The following SLC35A5 variants were observed in gnomAD, a reference collection of about 807,000 sequenced individuals.
The protein encoded by SLC35A5 is UDP-sugar transporter protein SLC35A5.
SLC35A5 carries 28 observed loss-of-function variants against 36.3 expected under a neutral mutation model. The ratio of observed to expected loss-of-function variants is 0.77; its 90% CI spans 0.57 to 1.06. SLC35A5 has a LOEUF of 1.06. Among genes scored for constraint, SLC35A5 ranks in the 50% least tolerant of loss-of-function variants. The probability of loss-of-function intolerance (pLI) is 0.00; values close to 1 mark genes in which losing one functional copy is unlikely to be tolerated. For missense variants in SLC35A5, 521 were observed against 499.3 expected, an observed-to-expected ratio of 1.04 and a Z score of -0.41; for synonymous variants, 180 against 173.7, an observed-to-expected ratio of 1.04 and a Z score of -0.29.
chr3:112,561,767 G>A, upstream of SLC35A5: 2 of 512,580 alleles, frequency 3.9e-6, no homozygotes, highest in Non-Finnish European at 6.8e-6. Flanking sequence ...CGACGGACCG[G>A]ACCCAGCTGT....
At chr3:112,574,059 G>C (rs1331517164) in intron 5 of SLC35A5, 103 bp downstream of exon 5, 1 of 1,051,158 alleles carries the variant, frequency 9.5e-7, no homozygotes, top group Non-Finnish European at 1.4e-6. Flanking sequence ...CCAAAGCCAG[G>C]ATTTTGTTCC....
chr3:112,563,516 A>C lies in SLC35A5; in HGVS notation c.113A>C (p.Lys38Thr). 1 of 1,604,028 alleles carries C rather than the reference A, an allele frequency of 6.2e-7. No homozygotes were observed. Among genetic ancestry groups the C allele is most frequent in the Admixed American group, 1.7e-5 (1 of 59,742 alleles). ...AGCTCAAGTCGCATCTTACTAGTGA[A>C]GTATTCTGCCAATGAAGGTAAGTTA... ...ALSSSRILLV[K>T]YSANEENKYD... Residue 38 changes from lysine to threonine, a missense_variant, in exon 2 of 7, where the codon AAG becomes ACG. Physicochemically the swap from Lys to Thr is moderately conservative, Grantham distance 78 (BLOSUM62 -1). Coordinates refer to ENST00000492406, the MANE Select transcript of SLC35A5 (RefSeq NM_017945.5).
chr3:112,563,511 AG>A lies in SLC35A5; in HGVS notation c.109del (p.Val37Ter). ...IALSSSRILL[V>X]KYSANEENKY... The stretch of plus-strand genomic sequence containing the variant: ...CTTTAAGCTCAAGTCGCATCTTACT[AG>A]TGAAGTATTCTGCCAATGAAGGTAA... On this transcript the variant is annotated frameshift_variant, in exon 2 of 7. Coordinates refer to ENST00000492406, the MANE Select transcript of SLC35A5 (RefSeq NM_017945.5). LOFTEE classifies it high-confidence loss of function. 6.2e-7 allele frequency: 1 copy of A among 1,605,008 alleles called. No homozygotes were observed. Among genetic ancestry groups the A allele is most frequent in the Non-Finnish European group, 8.5e-7 (1 of 1,173,070 alleles).
chr3:112,577,467 T>C (rs1388333787), intron 5 of SLC35A5, among the ~76,000 whole-genome samples: 1 of 152,236 alleles, frequency 6.6e-6, no homozygotes, highest in East Asian at 1.9e-4. Context: ...TGGTAGAAAC[T>C]GGTAGCAGGC....
chr3:112,566,723 G>A (rs1387591937), intron 2 of SLC35A5, among the ~76,000 whole-genome samples: 1 of 152,208 alleles, frequency 6.6e-6, no homozygotes, highest in Admixed American at 6.5e-5. Flanking sequence ...ATCTCAGAAA[G>A]GAGTTAGTTT....
intron 4 of SLC35A5, 59 bp downstream of exon 4, chr3:112,570,729 ATTT>A: frequency 1.7e-6 from 2 of 1,178,102 alleles, no homozygotes; most frequent in South Asian, 1.8e-5. Flanking sequence ...AAATCCCAGA[ATTT>A]TTTTTTTTTT....
In SLC35A5 at chr3:112,584,947, A is replaced by G. The variant is rs1034611519; in HGVS notation, c.*2211A>G. 2 of 152,220 alleles carry G rather than the reference A, an allele frequency of 1.3e-5. No individual in the cohort carries two copies. Among genetic ancestry groups the G allele is most frequent in the African/African-American group, 4.8e-5 (2 of 41,466 alleles). The allele number at this position is 152,220 out of a possible 1,614,324, so 9.4% of individuals were successfully genotyped here. ...TGAAATAATTCAGAAACAGAAAATC[A>G]AATACCACATGTTCTCACTTATAAG... On this transcript the variant is annotated 3_prime_UTR_variant, in exon 7 of 7. Coordinates refer to ENST00000492406, the MANE Select transcript of SLC35A5 (RefSeq NM_017945.5).
chr3:112,561,962 T>C (rs569217583), upstream of SLC35A5: 437 of 202,452 alleles, frequency 2.2e-3, 4 homozygotes, highest in African/African-American at 9.9e-3. Flanking sequence ...CACGTGACAC[T>C]AGACTCTCCC....
In SLC35A5 at chr3:112,584,211, T is replaced by G. The variant is rs1291675678; in HGVS notation, c.*1475T>G. 6.6e-6 allele frequency: 1 copy of G among 152,148 alleles called. No homozygotes were observed. Among genetic ancestry groups the G allele is most frequent in the Admixed American group, 6.6e-5 (1 of 15,258 alleles). The allele number at this position is 152,148 out of a possible 1,614,324, so 9.4% of individuals were successfully genotyped here. On this transcript the variant is annotated 3_prime_UTR_variant, in exon 7 of 7. Transcript: ENST00000492406. ...GTGGGATGTAGAGTACTTTTAATCT[T>G]AAAAAATAGAGTGAGACAAAAACCT...
chr3:112,562,752 AAAATTATTTACTAAT>A (rs1375566523), intron 1 of SLC35A5, among the ~76,000 whole-genome samples: 1 of 152,248 alleles, frequency 6.6e-6, no homozygotes, highest in East Asian at 1.9e-4. Flanking sequence ...ATCTTACAGC[AAAATTATTTACTAAT>A]AAGAGTAAAA....
intron 2 of SLC35A5, among the ~76,000 whole-genome samples, chr3:112,566,023 T>C (rs1182302506): frequency 6.6e-6 from 1 of 152,198 alleles, no homozygotes; most frequent in East Asian, 1.9e-4. Flanking sequence ...GTTAAGGGGT[T>C]ATTGCAAAGT....
Position 112,582,761 on chromosome 3 carries a change from C to T in SLC35A5, c.*25C>T. 1 of 1,550,926 alleles carries T rather than the reference C, an allele frequency of 6.4e-7. No homozygotes were observed. The highest frequency in any genetic ancestry group is 8.9e-7 in the Non-Finnish European group (1 of 1,127,472). ...ACTGGTACCCACATAGTTTGCAGCT[C>T]TCTTGAACCTTATTTTCACATTTTC... is the stretch of plus-strand genomic sequence containing the variant. On this transcript the variant is annotated 3_prime_UTR_variant, in exon 7 of 7. Transcript: ENST00000492406.
At position 112,581,297 on chromosome 3, in the gene SLC35A5, A is replaced by G; in HGVS notation, c.1180A>G (p.Ser394Gly). ...APRQERIRDLSGNLWERSSGD... is the reference protein window; with the variant it reads ...APRQERIRDLGGNLWERSSGD... ...TAGGCAAGAAAGGATCCGAGATCTA[A>G]GTGGCAATCTTTGGGAGCGTTCCAG... Residue 394 changes from serine (S) to glycine (G), a missense_variant, in exon 6 of 7, where the codon AGT becomes GGT. Transcript: ENST00000492406. 1.2e-6 allele frequency: 2 copies of G among 1,611,534 alleles called. No individual in the cohort carries two copies. Among genetic ancestry groups the G allele is most frequent in the Non-Finnish European group, 1.7e-6 (2 of 1,178,972 alleles).
chr3:112,570,711 A>T, intron 4 of SLC35A5, 41 bp downstream of exon 4: 1 of 1,498,786 alleles, frequency 6.7e-7, no homozygotes, highest in Non-Finnish European at 8.9e-7. Flanking sequence ...GAAAAGATAC[A>T]GAGAAATAAA....
intron 2 of SLC35A5, among the ~76,000 whole-genome samples, chr3:112,563,742 C>A (rs1419907051): frequency 6.6e-6 from 1 of 152,158 alleles, no homozygotes; most frequent in South Asian, 2.1e-4. Context: ...CAATCAGATA[C>A]AAAAATCAAA....
chr3:112,581,406 A>C lies in SLC35A5; in HGVS notation c.1209+80A>C, dbSNP rs553914483. The C allele has an allele frequency of 1.6e-5, 22 of 1,384,582 alleles. No individual in the cohort carries two copies. The Admixed American group carries it at 1.7e-4, about 11-fold the overall frequency. 85.8% of individuals were successfully genotyped at this position (1,384,582 alleles called of 1,614,324 possible). On this transcript the variant is annotated intron_variant, in intron 6 of 6. Transcript: ENST00000492406. Reference sequence around the variant, plus strand: ...TTAATTCAAGGAAAAAAATAAAATCAGTACTGATTTGTCAAAGAATGTATT... The same window carrying C: ...TTAATTCAAGGAAAAAAATAAAATCCGTACTGATTTGTCAAAGAATGTATT...
chr3:112,565,483 G>C (rs1934152944), intron 2 of SLC35A5, among the ~76,000 whole-genome samples: 3 of 152,154 alleles, frequency 2.0e-5, no homozygotes, highest in African/African-American at 7.2e-5. Flanking sequence ...CAAGCAAAAA[G>C]TTTAAGGACT....
chr3:112,574,728 G>A (rs1046295908), intron 5 of SLC35A5, among the ~76,000 whole-genome samples: 3 of 151,840 alleles, frequency 2.0e-5, no homozygotes, highest in Non-Finnish European at 2.9e-5. Context: ...CTGTGTGATA[G>A]TATGTTCTTT....
In SLC35A5 at chr3:112,583,247, T is replaced by G; in HGVS notation, c.*511T>G. ...TTCTAAAAACGTTGGTTGAAGGACC[T>G]AAATACCTGGCCATACCATAGATTT... On this transcript the variant is annotated 3_prime_UTR_variant, in exon 7 of 7. Transcript: ENST00000492406. 2.5e-6 allele frequency: 1 copy of G among 396,780 alleles called. No homozygotes were observed. The highest frequency in any genetic ancestry group is 4.4e-6 in the Non-Finnish European group (1 of 225,080). The allele number at this position is 396,780 out of a possible 1,614,324, so 24.6% of individuals were successfully genotyped here.
Sources: gnomAD v4.1 joint callset for allele counts (sites outside exome capture counted in the v4.1 genomes callset) on GRCh38, gnomAD v4.1.1 for gene constraint, MANE v1.5 for transcripts, NCBI Gene and HGNC (gene_info 2026-07-23, HGNC 2026-07-21) for gene names.